Variants in SHISA9 observed in about 807,000 individuals in gnomAD.
SHISA9 encodes shisa family member 9.
A neutral mutation model predicts 38.0 loss-of-function variants in SHISA9; 13 were observed. That is an observed-to-expected ratio of 0.34 (90% CI 0.22 to 0.54). The LOEUF is 0.54. Among genes scored for constraint, SHISA9 ranks in the 20% least tolerant of loss-of-function variants. SHISA9 has a pLI of 0.91. For missense variants in SHISA9, 538 were observed against 575.8 expected (o/e 0.93, Z 0.67); for synonymous variants, 275 against 242.0 (o/e 1.14, Z -1.27).
intron 2 of SHISA9, among the ~76,000 whole-genome samples, chr16:13,061,253 T>C (rs572253366): frequency 6.6e-6 from 1 of 152,308 alleles, no homozygotes; most frequent in African/African-American, 2.4e-5. Flanking sequence ...CAGCCAGCGA[T>C]ATAAATACGC....
intron 2 of SHISA9, among the ~76,000 whole-genome samples, chr16:13,058,161 T>G (rs996349417): frequency 1.3e-5 from 2 of 152,132 alleles, no homozygotes; most frequent in African/African-American, 2.4e-5. Context: ...GCATATGAAC[T>G]TTTTTTTAAA....
At chr16:13,073,892 G>A (rs899162620) in intron 2 of SHISA9, among the ~76,000 whole-genome samples, 3 of 151,902 alleles carry the variant, frequency 2.0e-5, no homozygotes, top group East Asian at 3.9e-4. Context: ...AAGAAACCAA[G>A]TCTGTGGACT....
the SHISA9 span, among the ~76,000 whole-genome samples, chr16:13,543,845 A>G: frequency 6.6e-6 from 1 of 152,198 alleles, no homozygotes; most frequent in Non-Finnish European, 1.5e-5. Context: ...GCTCCCTGAC[A>G]GTCACCTAGA....
In SHISA9 at chr16:12,912,769, G is replaced by A. The variant is rs555992546; in HGVS notation, c.564-3919G>A. Among the ~76,000 whole-genome samples, 43 of 152,300 alleles carry A rather than the reference G, an allele frequency of 2.8e-4. No individual in the cohort carries two copies. The South Asian group carries it at 2.9e-3, about 10-fold the overall frequency. ...TCCCCGCACTGCTTAGTGAGTTCAC[G>A]TGGGCAGTATTTCACTCTGTGAAAC... On this transcript the variant is annotated intron_variant, in intron 1 of 4. Transcript: ENST00000558583.
intron 2 of SHISA9, among the ~76,000 whole-genome samples, chr16:13,145,186 C>A (rs1232239830): frequency 1.3e-5 from 2 of 152,158 alleles, no homozygotes; most frequent in Non-Finnish European, 2.9e-5. Context: ...CAGCATAGTC[C>A]ATTTTTGAAA....
At chr16:13,232,912 C>T (rs2051345751) in intron 4 of SHISA9, among the ~76,000 whole-genome samples, 1 of 152,080 alleles carries the variant, frequency 6.6e-6, no homozygotes, top group Non-Finnish European at 1.5e-5. Flanking sequence ...GCTAGACTCT[C>T]AGTTAATCTC....
At chr16:13,196,186 A>G (rs1242893228) in intron 2 of SHISA9, among the ~76,000 whole-genome samples, 2 of 149,920 alleles carry the variant, frequency 1.3e-5, no homozygotes, top group Non-Finnish European at 3.0e-5. Flanking sequence ...TCACGAGGTC[A>G]GGAGATTGAG....
At chr16:13,326,166 C>T in the SHISA9 span, among the ~76,000 whole-genome samples, 119 of 152,124 alleles carry the variant, frequency 7.8e-4, no homozygotes, top group African/African-American at 2.7e-3. Context: ...AAAATTCTCT[C>T]TTACCCTGCC....
the SHISA9 span, among the ~76,000 whole-genome samples, chr16:13,556,121 C>T: frequency 2.0e-5 from 3 of 152,216 alleles, no homozygotes; most frequent in Non-Finnish European, 2.9e-5. Context: ...TCCCTGAGTT[C>T]CTCCTTCAGG....
At chr16:13,416,055 A>G in the SHISA9 span, among the ~76,000 whole-genome samples, 3 of 152,154 alleles carry the variant, frequency 2.0e-5, no homozygotes, top group Non-Finnish European at 4.4e-5. Flanking sequence ...AGGATATATG[A>G]CTGTGATTGG....
the SHISA9 span, among the ~76,000 whole-genome samples, chr16:13,326,705 AGC>A: frequency 1.3e-5 from 2 of 152,194 alleles, no homozygotes; most frequent in South Asian, 4.1e-4. Context: ...TGGGAGATGA[AGC>A]AAGGCGCCTT....
At chr16:13,155,025 A>C (rs1003430700) in intron 2 of SHISA9, among the ~76,000 whole-genome samples, 1 of 152,234 alleles carries the variant, frequency 6.6e-6, no homozygotes, top group Non-Finnish European at 1.5e-5. Context: ...AGTTATTGGC[A>C]TAGGTTAAAA....
intron 2 of SHISA9, among the ~76,000 whole-genome samples, chr16:12,976,317 C>T (rs1161433022): frequency 6.6e-6 from 1 of 152,130 alleles, no homozygotes; most frequent in Non-Finnish European, 1.5e-5. Context: ...TCTTGAGCTC[C>T]TGGCCTCAAG....
At chr16:12,939,720 C>G (rs1421749866) in intron 2 of SHISA9, among the ~76,000 whole-genome samples, 1 of 152,182 alleles carries the variant, frequency 6.6e-6, no homozygotes, top group Non-Finnish European at 1.5e-5. Context: ...CTCTCCCTGT[C>G]TATTGTGCTA....
the SHISA9 span, among the ~76,000 whole-genome samples, chr16:13,296,891 CAAAAAAAAAAAAAAA>C: frequency 1.9e-4 from 5 of 26,604 alleles, no homozygotes; most frequent in African/African-American, 6.0e-4. Flanking sequence ...AACTCCATCT[CAAAAAAAAAAAAAAA>C]AAAAAAAAAA....
At chr16:12,973,739 C>A (rs2141814736) in intron 2 of SHISA9, among the ~76,000 whole-genome samples, 1 of 152,096 alleles carries the variant, frequency 6.6e-6, no homozygotes, top group East Asian at 1.9e-4. Context: ...TACATTAAGA[C>A]TCCTAGAGGT....
At chr16:13,449,599 T>A in the SHISA9 span, among the ~76,000 whole-genome samples, 1 of 152,158 alleles carries the variant, frequency 6.6e-6, no homozygotes, top group Admixed American at 6.5e-5. Flanking sequence ...GCATTGTAGG[T>A]AAATTTTTCT....
At chr16:13,095,706 C>T (rs960702345) in intron 2 of SHISA9, among the ~76,000 whole-genome samples, 4 of 152,208 alleles carry the variant, frequency 2.6e-5, no homozygotes, top group Non-Finnish European at 5.9e-5. Flanking sequence ...GGGCTGTTGA[C>T]AATCTTTTCT....
chr16:13,391,939 T>C, the SHISA9 span, among the ~76,000 whole-genome samples: 22 of 152,302 alleles, frequency 1.4e-4, no homozygotes, highest in Non-Finnish European at 1.5e-5. Context: ...AGTGACTACC[T>C]CATTCTCAGA....
Sources: allele counts gnomAD v4.1 joint callset (sites outside exome capture counted in the v4.1 genomes callset), GRCh38; gene constraint gnomAD v4.1.1; transcripts MANE v1.5; gene names NCBI Gene and HGNC (gene_info 2026-07-23, HGNC 2026-07-21).